The following ZFAT variants were observed in gnomAD, a reference collection of about 807,000 sequenced individuals.
The protein encoded by ZFAT is zinc finger and AT-hook domain containing.
A neutral mutation model predicts 117.7 loss-of-function variants in ZFAT; 64 were observed. The observed-to-expected ratio is 0.54, with a 90% confidence interval of 0.44 to 0.67. The LOEUF is 0.67. Among genes scored for constraint, ZFAT ranks in the 30% least tolerant of loss-of-function variants. ZFAT has a pLI of 0.00. For synonymous variants in ZFAT, 679 were observed against 615.0 expected (o/e 1.10, Z -1.54); for missense variants, 1,433 against 1,584.5 (o/e 0.90, Z 1.62).
At chr8:134,545,331 C>T (rs1216156512) in intron 11 of ZFAT, among the ~76,000 whole-genome samples, 3 of 151,978 alleles carry the variant, frequency 2.0e-5, no homozygotes, top group South Asian at 2.1e-4. Flanking sequence ...GGGCAACATA[C>T]TGAGACTCTG....
intron 1 of ZFAT, among the ~76,000 whole-genome samples, chr8:134,705,489 T>A (rs993294402): frequency 6.6e-6 from 1 of 151,412 alleles, no homozygotes; most frequent in Non-Finnish European, 1.5e-5. Flanking sequence ...AATGCTGAGA[T>A]TGAAGGCATG....
At chr8:134,817,394 TACACACACACACACACACACACAC>T in the ZFAT span, among the ~76,000 whole-genome samples, 13,268 of 126,050 alleles carry the variant, frequency 0.11, 908 homozygotes, top group Admixed American at 0.21. Flanking sequence ...TCTCTCTCTC[TACACACACACACACACACACACAC>T]ACACACACAC....
the ZFAT span, among the ~76,000 whole-genome samples, chr8:134,826,959 G>A: frequency 6.6e-6 from 1 of 152,222 alleles, no homozygotes; most frequent in Admixed American, 6.5e-5. Context: ...ACACAAACAT[G>A]TAATAGTGAA....
At chr8:134,656,063 TCAG>T (rs1181833526) in intron 2 of ZFAT, among the ~76,000 whole-genome samples, 1 of 152,150 alleles carries the variant, frequency 6.6e-6, no homozygotes, top group Non-Finnish European at 1.5e-5. Context: ...CACTGACTGC[TCAG>T]CAGGGAAGTG....
intron 1 of ZFAT, among the ~76,000 whole-genome samples, chr8:134,689,912 T>G (rs1490883220): frequency 6.6e-6 from 1 of 152,218 alleles, no homozygotes; most frequent in Non-Finnish European, 1.5e-5. Context: ...CATTTAAAAT[T>G]TTCCAGTAGC....
chr8:134,553,332 A>C (rs1488389887), intron 11 of ZFAT, among the ~76,000 whole-genome samples: 1 of 152,168 alleles, frequency 6.6e-6, no homozygotes, highest in African/African-American at 2.4e-5. Context: ...GTGAAACCCC[A>C]TCTCTACTAA....
chr8:134,781,094 T>C, the ZFAT span, among the ~76,000 whole-genome samples: 1 of 152,006 alleles, frequency 6.6e-6, no homozygotes, highest in Non-Finnish European at 1.5e-5. Flanking sequence ...GTAGGGAAGG[T>C]ATCATTAAAC....
chr8:134,615,855 G>GGCACTTGTTTGTCTCCCCTAGATGGATGT (rs1828689598), intron 3 of ZFAT, among the ~76,000 whole-genome samples: 2 of 152,250 alleles, frequency 1.3e-5, no homozygotes, highest in Non-Finnish European at 2.9e-5. Context: ...GCACCGCACT[G>GGCACTTGTTTGTCTCCCCTAGATGGATGT]AACAGCCTTG....
At chr8:134,624,878 C>T (rs1243866905) in intron 3 of ZFAT, among the ~76,000 whole-genome samples, 1 of 150,892 alleles carries the variant, frequency 6.6e-6, no homozygotes, top group Non-Finnish European at 1.5e-5. Flanking sequence ...TTATAATTAA[C>T]ACTGCACTAA....
chr8:134,697,653 G>T (rs1336636627), intron 1 of ZFAT, among the ~76,000 whole-genome samples: 2 of 151,224 alleles, frequency 1.3e-5, no homozygotes, highest in African/African-American at 2.4e-5. Flanking sequence ...CGTGAACCCG[G>T]AAGGCGGAGC....
At chr8:134,608,699 G>A in intron 5 of ZFAT, 30 bp downstream of exon 5, 1 of 1,599,308 alleles carries the variant, frequency 6.3e-7, no homozygotes, top group Non-Finnish European at 8.5e-7. Context: ...GCAACCTCTG[G>A]CTGAAGTTAC....
chr8:134,615,474 C>G (rs1005276083), intron 3 of ZFAT, among the ~76,000 whole-genome samples: 2 of 152,158 alleles, frequency 1.3e-5, no homozygotes, highest in African/African-American at 4.8e-5. Flanking sequence ...CATGCGTGAG[C>G]TACTGTGCCT....
chr8:134,824,667 T>C, the ZFAT span, among the ~76,000 whole-genome samples: 10 of 152,216 alleles, frequency 6.6e-5, no homozygotes, highest in South Asian at 2.1e-4. Context: ...AGTACAATAA[T>C]TCATTCTAGT....
chr8:134,584,398 C>T (rs1825921045), intron 9 of ZFAT, among the ~76,000 whole-genome samples: 1 of 152,212 alleles, frequency 6.6e-6, no homozygotes. Context: ...AGTCTGGGAA[C>T]TCCTTGAGGA....
chr8:134,625,165 C>G (rs1829412974), intron 3 of ZFAT, among the ~76,000 whole-genome samples: 1 of 152,254 alleles, frequency 6.6e-6, no homozygotes, highest in Non-Finnish European at 1.5e-5. Flanking sequence ...TCCTATATCT[C>G]TTACTACAGG....
At position 134,532,946 on chromosome 8, in the gene ZFAT, G is replaced by A. The variant is rs1364515867; in HGVS notation, c.3003C>T (p.Tyr1001=). The A allele has an allele frequency of 6.2e-7, 1 of 1,607,494 alleles. No individual in the cohort carries two copies. Among genetic ancestry groups the A allele is most frequent in the East Asian group, 2.2e-5 (1 of 44,738 alleles). ...TCAGAGAGCCAGATATGTTGCAGGA[G>A]TAATGGCAATGGGCACAGCGGAAAG... ...FKPFRCAHCH[Y]SCNISGSLKR... The change falls in exon 12 of 16, where the codon TAC becomes TAT. Residue 1001 remains tyrosine, a synonymous_variant. Transcript: ENST00000377838.
chr8:134,768,234 T>A, the ZFAT span, among the ~76,000 whole-genome samples: 9 of 152,240 alleles, frequency 5.9e-5, no homozygotes, highest in Non-Finnish European at 1.2e-4. Context: ...TTTCATTTTT[T>A]AATTACTATT....
intron 15 of ZFAT, among the ~76,000 whole-genome samples, chr8:134,488,232 C>A (rs1224778288): frequency 6.6e-6 from 1 of 152,194 alleles, no homozygotes; most frequent in Admixed American, 6.5e-5. Context: ...CGGCCCTTTG[C>A]TAATGAAGTT....
intron 1 of ZFAT, among the ~76,000 whole-genome samples, chr8:134,672,118 T>C (rs1204344019): frequency 1.3e-5 from 2 of 152,238 alleles, no homozygotes; most frequent in Non-Finnish European, 1.5e-5. Flanking sequence ...TACAAACAAA[T>C]GGAAGAACAT....
Sources: gnomAD v4.1 joint callset for allele counts (sites outside exome capture counted in the v4.1 genomes callset) on GRCh38, gnomAD v4.1.1 for gene constraint, MANE v1.5 for transcripts, NCBI Gene and HGNC (gene_info 2026-07-23, HGNC 2026-07-21) for gene names.